The following DIP2C variants were observed in gnomAD, a reference collection of about 807,000 sequenced individuals.
The protein encoded by DIP2C is disco-interacting protein 2 homolog C.
DIP2C carries 33 observed loss-of-function variants against 192.4 expected under a neutral mutation model. The observed-to-expected ratio is 0.17, with a 90% confidence interval of 0.13 to 0.23. The LOEUF is 0.23. Ranked by LOEUF, DIP2C falls within the 10% of genes least tolerant of loss-of-function variation. The pLI is 1.00. For missense variants in DIP2C, 1,537 were observed against 2,110.1 expected (o/e 0.73, Z 5.32); for synonymous variants, 979 against 864.1 (o/e 1.13, Z -2.33).
At chr10:584,149 C>G (rs1308630285) in intron 1 of DIP2C, among the ~76,000 whole-genome samples, 2 of 152,030 alleles carry the variant, frequency 1.3e-5, no homozygotes, top group Non-Finnish European at 2.9e-5. Context: ...CTAACTGCAC[C>G]CCCACATAAC....
intron 1 of DIP2C, among the ~76,000 whole-genome samples, chr10:492,628 A>T (rs942728831): frequency 6.6e-6 from 1 of 152,174 alleles, no homozygotes; most frequent in East Asian, 1.9e-4. Context: ...ACGCACACAA[A>T]TATTTAATTA....
intron 1 of DIP2C, among the ~76,000 whole-genome samples, chr10:500,751 A>G (rs913737984): frequency 6.6e-6 from 1 of 152,234 alleles, no homozygotes; most frequent in Non-Finnish European, 1.5e-5. Context: ...TCTTAAACAA[A>G]TCACCTCATC....
At chr10:383,184 G>A (rs1403873902) in intron 16 of DIP2C, among the ~76,000 whole-genome samples, 5 of 152,164 alleles carry the variant, frequency 3.3e-5, no homozygotes, top group Non-Finnish European at 5.9e-5. Flanking sequence ...TTTTCTTTAT[G>A]CAAGATGTAT....
chr10:401,967 C>T (rs1178383253), intron 9 of DIP2C, among the ~76,000 whole-genome samples: 1 of 147,114 alleles, frequency 6.8e-6, no homozygotes, highest in African/African-American at 2.5e-5. Context: ...ATGTGTTCCT[C>T]AGCACATAAA....
intron 6 of DIP2C, among the ~76,000 whole-genome samples, chr10:417,872 CCCTGTCCACCTGCACCTGTCAGGGCTCG>C (rs1965826130): frequency 9.5e-6 from 1 of 105,714 alleles, no homozygotes; most frequent in African/African-American, 4.1e-5. Flanking sequence ...GGACAGGCCT[CCCTGTCCACCTGCACCTGTCAGGGCTCG>C]GATAGGCCTC....
intron 2 of DIP2C, among the ~76,000 whole-genome samples, chr10:478,687 C>G (rs1042256422): frequency 6.6e-6 from 1 of 150,414 alleles, no homozygotes; most frequent in African/African-American, 2.5e-5. Flanking sequence ...TCCAAGTTCC[C>G]GTCTTATTCT....
At chr10:679,322 A>G (rs568089648) in intron 1 of DIP2C, among the ~76,000 whole-genome samples, 1 of 2,104 alleles carries the variant, frequency 4.8e-4, no homozygotes, top group African/African-American at 6.4e-4. Flanking sequence ...CCCCGCACCC[A>G]TCCTCCCTGC....
chr10:304,239 CAT>C (rs551880480), intron 32 of DIP2C, among the ~76,000 whole-genome samples: 63 of 152,298 alleles, frequency 4.1e-4, no homozygotes, highest in African/African-American at 1.5e-3. Flanking sequence ...GCCACAAACA[CAT>C]AACGCATTGC....
rs569206824 is a variant in DIP2C, at chr10:298,431, C to T, written c.3987-10010G>A. 1.6e-3 allele frequency among the ~76,000 whole-genome samples: 241 copies of T among 152,306 alleles called. 1 individual carries two copies. Among genetic ancestry groups the T allele is most frequent in the Non-Finnish European group, 2.7e-3 (183 of 68,032 alleles). On this transcript the variant is annotated intron_variant, in intron 32 of 36. Coordinates refer to ENST00000280886, the MANE Select transcript of DIP2C (RefSeq NM_014974.3). Reference sequence around the variant, plus strand: ...GGTGACCTCGCACTTAGCTGGGTCACGTTTGCAGGTTTTCCCCGTCCCTTC... The same window carrying T: ...GGTGACCTCGCACTTAGCTGGGTCATGTTTGCAGGTTTTCCCCGTCCCTTC...
intron 1 of DIP2C, among the ~76,000 whole-genome samples, chr10:608,180 A>ACC (rs1554754350): frequency 4.2e-5 from 1 of 23,980 alleles, no homozygotes; most frequent in Non-Finnish European, 5.8e-5. Flanking sequence ...CCCCACACAC[A>ACC]CCCCACACAC....
At chr10:489,223 C>T (rs1256982720) in intron 1 of DIP2C, among the ~76,000 whole-genome samples, 1 of 152,198 alleles carries the variant, frequency 6.6e-6, no homozygotes, top group Non-Finnish European at 1.5e-5. Context: ...GCCTCAGCAT[C>T]TGGTAGACAG....
intron 3 of DIP2C, among the ~76,000 whole-genome samples, chr10:452,732 G>C (rs1164986040): frequency 6.6e-6 from 1 of 152,196 alleles, no homozygotes; most frequent in Non-Finnish European, 1.5e-5. Flanking sequence ...CCCTCCTGCA[G>C]AGAAAACACC....
At chr10:362,387 C>G in intron 22 of DIP2C, 103 bp downstream of exon 22, 4 of 1,346,066 alleles carry the variant, frequency 3.0e-6, no homozygotes, top group Non-Finnish European at 4.0e-6. Context: ...CCGCAAGCAT[C>G]AGCTTCCTGC....
At chr10:558,913 C>A (rs1042830052) in intron 1 of DIP2C, among the ~76,000 whole-genome samples, 97 of 152,118 alleles carry the variant, frequency 6.4e-4, no homozygotes, top group African/African-American at 2.0e-3. Context: ...CCCCAGACAC[C>A]ACGGACCACC....
In DIP2C at chr10:341,332, G is replaced by A. The variant is rs778365410; in HGVS notation, c.3454-3C>T. On this transcript the variant is annotated splice_polypyrimidine_tract_variant and splice_region_variant and intron_variant, in intron 28 of 36. Coordinates refer to ENST00000280886, the MANE Select transcript of DIP2C (RefSeq NM_014974.3). ...GCACTGGTGGCTGCGTGAGACATCT[G>A]CAAAATACAAGGCTGTGTTAAACGC... 2 of 1,613,738 alleles carry A rather than the reference G, an allele frequency of 1.2e-6. No individual in the cohort carries two copies. Among genetic ancestry groups the A allele is most frequent in the African/African-American group, 1.3e-5 (1 of 75,012 alleles).
chr10:657,670 C>T (rs111170461), intron 1 of DIP2C, among the ~76,000 whole-genome samples: 1 of 99,440 alleles, frequency 1.0e-5, no homozygotes, highest in Admixed American at 1.0e-4. Flanking sequence ...CCTGGACCTG[C>T]CGCTGGACCT....
At position 384,271 on chromosome 10, in the gene DIP2C, CTTTTTTTTTTT is replaced by C. The variant is rs35461394; in HGVS notation, c.1757-136_1757-126del. The C allele has an allele frequency of 2.1e-3, 637 of 301,938 alleles. No individual in the cohort carries two copies. The East Asian group carries it at 0.045, about 21-fold the overall frequency. The allele number at this position is 301,938 out of a possible 1,614,324, so 18.7% of individuals were successfully genotyped here. The stretch of plus-strand genomic sequence containing the variant: ...CACTGGTCACCCAGCCCCCACAAAC[CTTTTTTTTTTT>C]TTTTTTTTTTTTTTTTTGTGATCTT... On this transcript the variant is annotated intron_variant, in intron 15 of 36. Transcript: ENST00000280886.
intron 1 of DIP2C, among the ~76,000 whole-genome samples, chr10:563,242 G>T (rs1011408231): frequency 2.6e-5 from 4 of 152,186 alleles, no homozygotes; most frequent in Non-Finnish European, 5.9e-5. Context: ...TTTAAGGCTT[G>T]GGGCTGCCAT....
intron 1 of DIP2C, among the ~76,000 whole-genome samples, chr10:574,742 T>C (rs538253131): frequency 3.3e-5 from 5 of 152,322 alleles, no homozygotes; most frequent in Admixed American, 6.5e-5. Context: ...TGGTACATAA[T>C]ATTTCCAAAC....
Sources: gnomAD v4.1 joint callset for allele counts (sites outside exome capture counted in the v4.1 genomes callset) on GRCh38, gnomAD v4.1.1 for gene constraint, MANE v1.5 for transcripts, NCBI Gene and HGNC (gene_info 2026-07-23, HGNC 2026-07-21) for gene names.